The following HMG20A variants were observed in gnomAD, a reference collection of about 807,000 sequenced individuals.
The protein encoded by HMG20A is high mobility group protein 20A.
Under a neutral mutation model 43.9 loss-of-function variants are expected in HMG20A, and 17 were observed. That is an observed-to-expected ratio of 0.39 (90% confidence interval 0.27 to 0.58). The LOEUF (loss-of-function observed/expected upper bound fraction) is 0.58. HMG20A is among the 20% of genes least tolerant of loss of function. The pLI is 0.59. For missense variants in HMG20A, 341 were observed against 438.2 expected (o/e 0.78, Z 1.98); for synonymous variants, 132 against 147.5 (o/e 0.89, Z 0.76).
intron 8 of HMG20A, 60 bp from the exon 9 acceptor site, chr15:77,479,119 G>A: frequency 2.0e-6 from 3 of 1,526,526 alleles, no homozygotes; most frequent in Non-Finnish European, 2.7e-6. Context: ...CTTTGAAATT[G>A]TGTTTTATGG....
At chr15:77,430,600 A>G (rs2073474450) in intron 1 of HMG20A, among the ~76,000 whole-genome samples, 1 of 152,218 alleles carries the variant, frequency 6.6e-6, no homozygotes. Context: ...GTTTCTTCTA[A>G]AAGCAGAGAA....
In HMG20A at chr15:77,483,993, C is replaced by T. The variant is rs2142369479; in HGVS notation, c.*1030C>T. ...AAGGAAGAATTCTCATGTCCTTTGT[C>T]TTCCTTCTGTAGCCATTAACTGCTG... On this transcript the variant is annotated 3_prime_UTR_variant, in exon 10 of 10. Transcript: ENST00000336216. 6.6e-6 allele frequency: 1 copy of T among 152,386 alleles called. No individual in the cohort carries two copies. The highest frequency in any genetic ancestry group is 1.9e-4 in the East Asian group (1 of 5,190). The allele number at this position is 152,386 out of a possible 1,614,324, so 9.4% of individuals were successfully genotyped here.
chr15:77,507,262 C>T, the HMG20A span, among the ~76,000 whole-genome samples: 2 of 152,266 alleles, frequency 1.3e-5, no homozygotes, highest in African/African-American at 2.4e-5. Context: ...GGTTCTGTTT[C>T]CCTGGAGGGC....
At chr15:77,480,005 C>T (rs1567408464) in intron 9 of HMG20A, among the ~76,000 whole-genome samples, 1 of 152,138 alleles carries the variant, frequency 6.6e-6, no homozygotes, top group Non-Finnish European at 1.5e-5. Context: ...AAAAAATAAA[C>T]TCTTCAGCCA....
At chr15:77,518,407 G>A in the HMG20A span, among the ~76,000 whole-genome samples, 26 of 152,134 alleles carry the variant, frequency 1.7e-4, no homozygotes, top group Non-Finnish European at 2.9e-4. Flanking sequence ...TAGCCCACCT[G>A]CCTTCATTCA....
At chr15:77,424,242 C>T (rs1220650911) in intron 1 of HMG20A, among the ~76,000 whole-genome samples, 3 of 152,016 alleles carry the variant, frequency 2.0e-5, no homozygotes, top group African/African-American at 7.2e-5. Flanking sequence ...CCATAGAAGC[C>T]CCTGTGTTAA....
At chr15:77,447,350 C>G (rs183877657) in intron 1 of HMG20A, among the ~76,000 whole-genome samples, 1 of 152,308 alleles carries the variant, frequency 6.6e-6, no homozygotes, top group Non-Finnish European at 1.5e-5. Context: ...CCTGCGTTAT[C>G]ACCGTGCTTT....
chr15:77,435,369 C>T (rs955518462), intron 1 of HMG20A, among the ~76,000 whole-genome samples: 4 of 152,092 alleles, frequency 2.6e-5, no homozygotes, highest in Non-Finnish European at 5.9e-5. Flanking sequence ...CTGCAGCCTC[C>T]GCCTACTGGG....
chr15:77,514,948 G>A, the HMG20A span, among the ~76,000 whole-genome samples: 1 of 152,198 alleles, frequency 6.6e-6, no homozygotes, highest in Admixed American at 6.5e-5. Context: ...CGTAGGTGGG[G>A]CAAGGGATAT....
intron 7 of HMG20A, 65 bp from the exon 8 acceptor site, chr15:77,478,230 G>A: frequency 6.6e-7 from 1 of 1,526,642 alleles, no homozygotes; most frequent in Non-Finnish European, 9.1e-7. Flanking sequence ...CCCTGTAAGA[G>A]TCATTGGGAC....
chr15:77,504,584 A>C, the HMG20A span, among the ~76,000 whole-genome samples: 3 of 152,246 alleles, frequency 2.0e-5, no homozygotes, highest in Non-Finnish European at 4.4e-5. Context: ...GACATAATGT[A>C]CTGGGGAAAG....
the HMG20A span, among the ~76,000 whole-genome samples, chr15:77,498,560 C>T: frequency 2.6e-5 from 4 of 152,140 alleles, no homozygotes; most frequent in Admixed American, 1.3e-4. Flanking sequence ...CTCAGGTAGC[C>T]GAAGAAGTTC....
the HMG20A span, among the ~76,000 whole-genome samples, chr15:77,507,934 T>G: frequency 2.7e-5 from 4 of 146,770 alleles, no homozygotes; most frequent in African/African-American, 5.1e-5. Context: ...GTTGGGGAGG[T>G]CTTGTCTTTG....
At chr15:77,490,746 A>C in the HMG20A span, among the ~76,000 whole-genome samples, 1 of 152,350 alleles carries the variant, frequency 6.6e-6, no homozygotes, top group Non-Finnish European at 1.5e-5. Flanking sequence ...TTGCAGACTT[A>C]AGTATGAAAC....
At chr15:77,516,804 A>AGTGAGACACAGCCTGGTTGT in the HMG20A span, among the ~76,000 whole-genome samples, 672 of 152,266 alleles carry the variant, frequency 4.4e-3, 6 homozygotes, top group African/African-American at 0.015. Context: ...GTAGGCTAGA[A>AGTGAGACACAGCCTGGTTGT]GTGAGACACA....
chr15:77,426,967 C>A (rs1231642244), intron 1 of HMG20A, among the ~76,000 whole-genome samples: 1 of 152,122 alleles, frequency 6.6e-6, no homozygotes, highest in Non-Finnish European at 1.5e-5. Flanking sequence ...GAGGTATTAA[C>A]AAAGGAGAAA....
chr15:77,515,111 C>T, the HMG20A span, among the ~76,000 whole-genome samples: 1 of 152,032 alleles, frequency 6.6e-6, no homozygotes, highest in African/African-American at 2.4e-5. Flanking sequence ...TTTGAGATCC[C>T]CATGGAAGCA....
intron 2 of HMG20A, 88 bp from the exon 3 acceptor site, chr15:77,464,152 A>G: frequency 7.3e-7 from 1 of 1,378,010 alleles, no homozygotes; most frequent in Non-Finnish European, 1.0e-6. Flanking sequence ...AAGGACTGGC[A>G]TGTGCTTTTG....
Position 77,485,591 on chromosome 15 carries a change from T to G in HMG20A, c.*2628T>G, listed in dbSNP as rs927567422. 2.6e-5 allele frequency: 4 copies of G among 152,644 alleles called. No individual in the cohort carries two copies. Among genetic ancestry groups the G allele is most frequent in the Non-Finnish European group, 2.9e-5 (2 of 68,044 alleles). 9.5% of individuals were successfully genotyped at this position (152,644 alleles called of 1,614,324 possible). ...GTTTGACATTTGTCTCATTAAAACT[T>G]TTCTACGTTGAATTCACCTGTTTCA... On this transcript the variant is annotated 3_prime_UTR_variant, in exon 10 of 10. Transcript: ENST00000336216.
Sources: allele counts gnomAD v4.1 joint callset (sites outside exome capture counted in the v4.1 genomes callset), GRCh38; gene constraint gnomAD v4.1.1; transcripts MANE v1.5; gene names NCBI Gene and HGNC (gene_info 2026-07-23, HGNC 2026-07-21).